DAAM1: variants seen among roughly 807,000 people sequenced by gnomAD.
The protein encoded by DAAM1 is dishevelled associated activator of morphogenesis 1.
Under a neutral mutation model 130.0 loss-of-function variants are expected in DAAM1, and 52 were observed. That is an observed-to-expected ratio of 0.40 (90% confidence interval 0.32 to 0.50). The LOEUF is 0.50. Ranked by LOEUF, DAAM1 falls within the 20% of genes least tolerant of loss-of-function variation. The probability of loss-of-function intolerance (pLI) is 0.61; values close to 1 mark genes in which losing one functional copy is unlikely to be tolerated. For synonymous variants in DAAM1, 452 were observed against 444.5 expected (o/e 1.02, Z -0.21); for missense variants, 1,134 against 1,303.8 (o/e 0.87, Z 2.01).
intron 1 of DAAM1, among the ~76,000 whole-genome samples, chr14:59,195,072 A>T (rs1335729557): frequency 6.6e-6 from 1 of 152,162 alleles, no homozygotes; most frequent in Non-Finnish European, 1.5e-5. Flanking sequence ...CTACACAATC[A>T]TAAAATTTTT....
At chr14:59,194,131 C>T (rs1033405545) in intron 1 of DAAM1, among the ~76,000 whole-genome samples, 3 of 106,622 alleles carry the variant, frequency 2.8e-5, no homozygotes, top group Admixed American at 1.1e-4. Flanking sequence ...TTTATACATC[C>T]TGATGTTGCC....
intron 4 of DAAM1, 92 bp from the exon 5 acceptor site, chr14:59,320,398 G>A: frequency 2.1e-6 from 2 of 951,400 alleles, no homozygotes; most frequent in Non-Finnish European, 3.1e-6. Flanking sequence ...TATATTTAAA[G>A]TGATAGTGAC....
chr14:59,289,997 G>A (rs1256282065), intron 2 of DAAM1, among the ~76,000 whole-genome samples: 1 of 151,898 alleles, frequency 6.6e-6, no homozygotes, highest in Non-Finnish European at 1.5e-5. Context: ...AGGTGGTGGG[G>A]GTGTTGGCAG....
chr14:59,220,551 A>G (rs1186605874), intron 1 of DAAM1, among the ~76,000 whole-genome samples: 2 of 152,226 alleles, frequency 1.3e-5, no homozygotes, highest in Non-Finnish European at 2.9e-5. Context: ...CAGGACCAAT[A>G]GGAAATCTGT....
intron 8 of DAAM1, among the ~76,000 whole-genome samples, chr14:59,325,061 G>A (rs770389125): frequency 3.9e-5 from 6 of 152,092 alleles, no homozygotes; most frequent in Non-Finnish European, 8.8e-5. Flanking sequence ...GTGCCTTTGC[G>A]CTTGCTGTTT....
intron 3 of DAAM1, among the ~76,000 whole-genome samples, chr14:59,303,105 C>T (rs1370319844): frequency 6.6e-6 from 1 of 152,192 alleles, no homozygotes; most frequent in African/African-American, 2.4e-5. Flanking sequence ...TATGGTGGAA[C>T]CAAGATTCTA....
intron 4 of DAAM1, among the ~76,000 whole-genome samples, chr14:59,317,690 A>G (rs529825289): frequency 6.6e-6 from 1 of 152,308 alleles, no homozygotes; most frequent in African/African-American, 2.4e-5. Flanking sequence ...CCTATGCTGT[A>G]AGTGCTATTT....
chr14:59,266,958 TG>T (rs1228771978), intron 2 of DAAM1, among the ~76,000 whole-genome samples: 2 of 152,250 alleles, frequency 1.3e-5, no homozygotes, highest in Non-Finnish European at 2.9e-5. Context: ...CTGATAGGGT[TG>T]GTGTAGAGGT....
Position 59,331,214 on chromosome 14 carries a change from C to G in DAAM1, c.1566C>G (p.Ala522=). Residue 522 remains alanine, a synonymous_variant, in exon 14 of 25, where the codon GCC becomes GCG. Transcript: ENST00000360909. ...TCCTATTTTTATCTTTTCAGAGGGCCGTCTGTGCTTCAATCCCAGGTGGAC... is the reference window on the plus strand; with the variant it reads ...TCCTATTTTTATCTTTTCAGAGGGCGGTCTGTGCTTCAATCCCAGGTGGAC... ...TAQLHELSRR[A]VCASIPGGPS... 6.2e-7 allele frequency: 1 copy of G among 1,612,646 alleles called. No individual in the cohort carries two copies. The highest frequency in any genetic ancestry group is 8.5e-7 in the Non-Finnish European group (1 of 1,179,880).
chr14:59,214,370 C>T (rs1425320644), intron 1 of DAAM1, among the ~76,000 whole-genome samples: 5 of 152,258 alleles, frequency 3.3e-5, no homozygotes, highest in East Asian at 1.9e-4. Context: ...AGACCCCTGA[C>T]GTGCTTCTTT....
At chr14:59,198,643 T>C (rs554351603) in intron 1 of DAAM1, among the ~76,000 whole-genome samples, 1 of 152,336 alleles carries the variant, frequency 6.6e-6, no homozygotes, top group South Asian at 2.1e-4. Flanking sequence ...AACAGTGATG[T>C]GGGGCAAACA....
At chr14:59,226,486 C>T (rs1282249648) in intron 1 of DAAM1, among the ~76,000 whole-genome samples, 2 of 152,116 alleles carry the variant, frequency 1.3e-5, no homozygotes, top group African/African-American at 4.8e-5. Flanking sequence ...GGAAGAAAGT[C>T]AATTTCTCAC....
chr14:59,220,960 C>A (rs1888752425), intron 1 of DAAM1, among the ~76,000 whole-genome samples: 2 of 152,244 alleles, frequency 1.3e-5, no homozygotes, highest in African/African-American at 4.8e-5. Context: ...CTCACAGACA[C>A]ACCCACAAAT....
At chr14:59,190,423 G>T (rs1218519128) in intron 1 of DAAM1, among the ~76,000 whole-genome samples, 3 of 152,154 alleles carry the variant, frequency 2.0e-5, no homozygotes, top group African/African-American at 7.2e-5. Context: ...CATGAAAGGC[G>T]CCCTCCCCTG....
chr14:59,361,044 T>G (rs1016215905), intron 22 of DAAM1, among the ~76,000 whole-genome samples, 182 bp downstream of exon 22: 1 of 152,194 alleles, frequency 6.6e-6, no homozygotes, highest in African/African-American at 2.4e-5. Context: ...GCAACTTGAT[T>G]GCAGGCAGCA....
At chr14:59,217,844 G>A (rs186270848) in intron 1 of DAAM1, among the ~76,000 whole-genome samples, 1 of 152,084 alleles carries the variant, frequency 6.6e-6, no homozygotes, top group South Asian at 2.1e-4. Context: ...AAAATTAGCC[G>A]GGCGTGGTGG....
chr14:59,368,646 G>A lies in DAAM1; in HGVS notation c.2998-4G>A. The A allele has an allele frequency of 1.2e-6, 2 of 1,610,164 alleles. No homozygotes were observed. Among genetic ancestry groups the A allele is most frequent in the South Asian group, 2.2e-5 (2 of 90,376 alleles). On this transcript the variant is annotated splice_region_variant and splice_polypyrimidine_tract_variant and intron_variant, in intron 24 of 24. Coordinates refer to ENST00000360909, the MANE Select transcript of DAAM1 (RefSeq NM_001270520.2). ...TCAAAGAGGTTATTTCTTTCTATTT[G>A]CAGCTCAAAGAACAACGTGAAAGGG...
intron 1 of DAAM1, among the ~76,000 whole-genome samples, chr14:59,232,244 G>C (rs1042300977): frequency 6.6e-6 from 1 of 152,178 alleles, no homozygotes; most frequent in Non-Finnish European, 1.5e-5. Flanking sequence ...TCCAAGCATT[G>C]TCAAGGCCAG....
At chr14:59,275,504 A>G (rs1450250866) in intron 2 of DAAM1, among the ~76,000 whole-genome samples, 2 of 152,182 alleles carry the variant, frequency 1.3e-5, no homozygotes, top group Non-Finnish European at 2.9e-5. Flanking sequence ...TAAATACTGG[A>G]AATTTGGGTG....
Sources: gnomAD v4.1 joint callset for allele counts (sites outside exome capture counted in the v4.1 genomes callset) on GRCh38, gnomAD v4.1.1 for gene constraint, MANE v1.5 for transcripts, NCBI Gene and HGNC (gene_info 2026-07-23, HGNC 2026-07-21) for gene names.